NTM: variants seen among roughly 807,000 people sequenced by gnomAD.
NTM encodes neurotrimin.
NTM carries 13 observed loss-of-function variants against 42.1 expected under a neutral mutation model. The ratio of observed to expected loss-of-function variants is 0.31; its 90% confidence interval spans 0.20 to 0.49. The LOEUF (loss-of-function observed/expected upper bound fraction) is 0.49. Ranked by LOEUF, NTM falls within the 20% of genes least tolerant of loss-of-function variation. NTM has a pLI of 0.99. For synonymous variants in NTM, 187 were observed against 179.2 expected (o/e 1.04, Z -0.35); for missense variants, 373 against 452.8 (o/e 0.82, Z 1.60).
At chr11:131,500,850 G>C (rs12417868) in intron 1 of NTM, among the ~76,000 whole-genome samples, 26,936 of 148,788 alleles carry the variant, frequency 0.18, 3,100 homozygotes, top group East Asian at 0.36. Flanking sequence ...TTGGTTTTTT[G>C]TCCTTGTGAT....
intron 3 of NTM, among the ~76,000 whole-genome samples, chr11:132,206,645 C>T (rs1344529783): frequency 3.3e-5 from 5 of 152,306 alleles, no homozygotes; most frequent in South Asian, 2.1e-4. Context: ...CCCTGCTCTG[C>T]GTTGCCTCTT....
At chr11:132,213,982 C>T (rs1173393878) in intron 4 of NTM, among the ~76,000 whole-genome samples, 1 of 61,562 alleles carries the variant, frequency 1.6e-5, no homozygotes, top group African/African-American at 4.8e-5. Context: ...GATCCGCCCG[C>T]CTCGGCCTCC....
At chr11:131,563,891 C>T (rs906925621) in intron 1 of NTM, among the ~76,000 whole-genome samples, 5 of 152,074 alleles carry the variant, frequency 3.3e-5, no homozygotes, top group Non-Finnish European at 5.9e-5. Context: ...AGCAAACCAT[C>T]TCTACCGTTC....
chr11:132,070,565 G>T (rs74648094), intron 2 of NTM, among the ~76,000 whole-genome samples: 2 of 99,124 alleles, frequency 2.0e-5, no homozygotes, highest in African/African-American at 8.4e-5. Flanking sequence ...TAGTTAACAC[G>T]TCACACAGCC....
intron 1 of NTM, among the ~76,000 whole-genome samples, chr11:131,606,662 G>A (rs2060986298): frequency 6.6e-6 from 1 of 152,072 alleles, no homozygotes; most frequent in African/African-American, 2.4e-5. Flanking sequence ...CAAGGGGGTG[G>A]GCACACTCAC....
At chr11:131,617,194 C>T (rs946225619) in intron 1 of NTM, among the ~76,000 whole-genome samples, 3 of 151,844 alleles carry the variant, frequency 2.0e-5, no homozygotes, top group Non-Finnish European at 4.4e-5. Flanking sequence ...TAACTGAGGC[C>T]GCTTGGGAAT....
chr11:131,671,927 C>T (rs1468062538), intron 1 of NTM, among the ~76,000 whole-genome samples: 1 of 152,130 alleles, frequency 6.6e-6, no homozygotes, highest in African/African-American at 2.4e-5. Flanking sequence ...GACAAAGAGG[C>T]CTCTGTCCCG....
chr11:132,281,557 C>A (rs1412426914), intron 4 of NTM, among the ~76,000 whole-genome samples: 1 of 152,150 alleles, frequency 6.6e-6, no homozygotes, highest in Non-Finnish European at 1.5e-5. Flanking sequence ...TGTGGGAGAA[C>A]CTTCTTTCAT....
chr11:132,039,685 G>C (rs1025117390), intron 2 of NTM, among the ~76,000 whole-genome samples: 1 of 152,130 alleles, frequency 6.6e-6, no homozygotes, highest in Non-Finnish European at 1.5e-5. Flanking sequence ...AGGCCCAAAG[G>C]GGGCCTGAAC....
At chr11:131,670,769 GC>G (rs1358996762) in intron 1 of NTM, among the ~76,000 whole-genome samples, 1 of 152,188 alleles carries the variant, frequency 6.6e-6, no homozygotes, top group East Asian at 1.9e-4. Flanking sequence ...TGTCCGAGAG[GC>G]GTAGCCCTTC....
intron 1 of NTM, among the ~76,000 whole-genome samples, chr11:131,426,422 T>C (rs144939969): frequency 6.6e-6 from 1 of 152,268 alleles, no homozygotes; most frequent in African/African-American, 2.4e-5. Context: ...ACCCTGCTTT[T>C]AGCTCAAAGG....
chr11:131,539,404 G>C (rs2052825069), intron 1 of NTM: 1 of 152,270 alleles, frequency 6.6e-6, no homozygotes, highest in African/African-American at 2.4e-5. Flanking sequence ...GGGGATGAAC[G>C]CTTGTGCACC....
chr11:131,603,745 G>A (rs555930326), intron 1 of NTM, among the ~76,000 whole-genome samples: 52 of 152,232 alleles, frequency 3.4e-4, no homozygotes, highest in African/African-American at 1.0e-3. Context: ...CCACAGATTT[G>A]CCTATTTTGG....
At chr11:132,186,593 T>C (rs1308805222) in intron 3 of NTM, among the ~76,000 whole-genome samples, 2 of 152,248 alleles carry the variant, frequency 1.3e-5, no homozygotes, top group Non-Finnish European at 2.9e-5. Context: ...TAATGTTTTG[T>C]TTTGTTTTGA....
At chr11:131,789,683 G>T (rs1195253288) in intron 1 of NTM, among the ~76,000 whole-genome samples, 1 of 150,106 alleles carries the variant, frequency 6.7e-6, no homozygotes, top group African/African-American at 2.4e-5. Context: ...TGGGCCGGGG[G>T]CGGTGGCTCT....
intron 1 of NTM, among the ~76,000 whole-genome samples, chr11:131,876,718 G>A (rs1228921931): frequency 2.0e-5 from 3 of 152,194 alleles, no homozygotes; most frequent in African/African-American, 7.2e-5. Context: ...ATATGAGTGA[G>A]ACAACCTCAT....
chr11:132,231,276 G>A (rs572345431), intron 4 of NTM, among the ~76,000 whole-genome samples: 95 of 152,306 alleles, frequency 6.2e-4, no homozygotes, highest in African/African-American at 2.3e-3. Flanking sequence ...CAGATGACCT[G>A]TTGGTACAAG....
chr11:132,086,299 G>T (rs2059696835), intron 2 of NTM, among the ~76,000 whole-genome samples: 1 of 139,424 alleles, frequency 7.2e-6, no homozygotes, highest in African/African-American at 2.8e-5. Flanking sequence ...ACTCCAGCTT[G>T]GATGACAGAG....
At chr11:132,161,370 C>CTTT (rs55732584) in intron 3 of NTM, among the ~76,000 whole-genome samples, 2 of 64,078 alleles carry the variant, frequency 3.1e-5, no homozygotes, top group East Asian at 7.8e-4. Flanking sequence ...TTTCGAGCAG[C>CTTT]TTTTTTTTTT....
Sources: gnomAD v4.1 joint callset for allele counts (sites outside exome capture counted in the v4.1 genomes callset) on GRCh38, gnomAD v4.1.1 for gene constraint, MANE v1.5 for transcripts, NCBI Gene and HGNC (gene_info 2026-07-23, HGNC 2026-07-21) for gene names.